Variants in SUPT6H observed in about 807,000 individuals in gnomAD.
SUPT6H encodes the protein SPT6 homolog, histone chaperone and transcription elongation factor, also known as transcription elongation factor SPT6.
A neutral mutation model predicts 222.3 loss-of-function variants in SUPT6H; 11 were observed. The ratio of observed to expected loss-of-function variants is 0.05; its 90% CI spans 0.03 to 0.08. The LOEUF is 0.08. Among genes scored for constraint, SUPT6H ranks in the 10% least tolerant of loss-of-function variants. The pLI, the probability that SUPT6H is intolerant of heterozygous loss-of-function variation, is 1.00. For synonymous variants in SUPT6H, 762 were observed against 801.2 expected, an observed-to-expected ratio of 0.95 and a Z score of 0.83; for missense variants, 1,422 against 2,216.0, an observed-to-expected ratio of 0.64 and a Z score of 7.19.
intron 1 of SUPT6H, among the ~76,000 whole-genome samples, chr17:28,664,268 G>A (rs2029892562): frequency 6.6e-6 from 1 of 152,188 alleles, no homozygotes; most frequent in Admixed American, 6.5e-5. Flanking sequence ...AGCACTTTGG[G>A]AGGTCGAGGT....
chr17:28,664,708 T>C (rs1482126311), intron 1 of SUPT6H, among the ~76,000 whole-genome samples: 1 of 152,210 alleles, frequency 6.6e-6, no homozygotes, highest in Non-Finnish European at 1.5e-5. Context: ...TCCATTTGGA[T>C]ATTTCTTAGG....
chr17:28,687,230 G>A lies in SUPT6H; in HGVS notation c.2838+5G>A. On this transcript the variant is annotated splice_donor_5th_base_variant and intron_variant, in intron 22 of 36. Transcript: ENST00000314616. ...CTCAAGTTTCACCCCTTGCAGGTGA[G>A]TAGGATTTGACAGGCAGGCTCGGGT... The A allele has an allele frequency of 6.2e-7, 1 of 1,614,206 alleles. No individual in the cohort carries two copies. The highest frequency in any genetic ancestry group is 8.5e-7 in the Non-Finnish European group (1 of 1,180,038).
intron 1 of SUPT6H, among the ~76,000 whole-genome samples, chr17:28,669,245 G>A (rs1214540566): frequency 1.3e-5 from 2 of 152,166 alleles, no homozygotes; most frequent in Non-Finnish European, 2.9e-5. Flanking sequence ...CACTGTCGGT[G>A]CAGTAGCACC....
intron 7 of SUPT6H, among the ~76,000 whole-genome samples, chr17:28,677,470 C>T (rs897639496): frequency 6.6e-6 from 1 of 151,166 alleles, no homozygotes; most frequent in Non-Finnish European, 1.5e-5. Context: ...ATTTGAACTC[C>T]GGAGGCGGAG....
Position 28,700,110 on chromosome 17 carries a change from C to G in SUPT6H, c.4562-63C>G, listed in dbSNP as rs556901351. ...ACCTACTTCAGTGCCCCTTCCACCC[C>G]CTGAATTGGGAAACCAAAAATAGGT... On this transcript the variant is annotated intron_variant, in intron 33 of 36. Coordinates refer to ENST00000314616, the MANE Select transcript of SUPT6H (RefSeq NM_003170.5). The G allele has an allele frequency of 1.3e-5, 21 of 1,609,496 alleles. No individual in the cohort carries two copies. The Admixed American group carries it at 1.7e-4, about 13-fold the overall frequency.
At chr17:28,680,576 CAA>C (rs2031045957) in intron 11 of SUPT6H, among the ~76,000 whole-genome samples, 2 of 152,168 alleles carry the variant, frequency 1.3e-5, no homozygotes, top group African/African-American at 4.8e-5. Flanking sequence ...GCCTGGGTGA[CAA>C]GAGCAAGACT....
chr17:28,690,791 T>C (rs770752691), intron 26 of SUPT6H, 130 bp from the exon 27 acceptor site: 25 of 1,061,524 alleles, frequency 2.4e-5, no homozygotes, highest in Non-Finnish European at 3.2e-5. Flanking sequence ...AATAAATAAA[T>C]AAAAATCGGG....
intron 28 of SUPT6H, chr17:28,695,103 G>T: frequency 2.1e-6 from 1 of 473,892 alleles, no homozygotes; most frequent in Non-Finnish European, 3.8e-6. Context: ...CCAGGGACAG[G>T]GTAGATCCAG....
rs890969792 is a variant in SUPT6H, at chr17:28,688,241, G to C, written c.3134+23G>C. 1 of 1,608,516 alleles carries C rather than the reference G, an allele frequency of 6.2e-7. No homozygotes were observed. The highest frequency in any genetic ancestry group is 1.3e-5 in the African/African-American group (1 of 74,638). Reference sequence around the variant, plus strand: ...CAGGTGATGCCCTCTGCCTGGATGGGGCAGGAGGAATTCCCTTGTGGGCTT... The same window carrying C: ...CAGGTGATGCCCTCTGCCTGGATGGCGCAGGAGGAATTCCCTTGTGGGCTT... On this transcript the variant is annotated intron_variant, in intron 24 of 36. Transcript: ENST00000314616. This position sits in a 1 kb window ranked among gnomAD's most constrained non-coding sequence, Gnocchi z 4.3.
chr17:28,688,490 C>T lies in SUPT6H; in HGVS notation c.3134+272C>T. ...AAAACACAAGATTTTGTTCAGTAAA[C>T]ACAAACTTGCTTTTTTATTATTATG... On this transcript the variant is annotated intron_variant, in intron 24 of 36. Coordinates refer to ENST00000314616, the MANE Select transcript of SUPT6H (RefSeq NM_003170.5). This position sits in a 1 kb window ranked among gnomAD's most constrained non-coding sequence, Gnocchi z 4.3. The T allele has an allele frequency of 3.9e-6, 1 of 254,272 alleles. No homozygotes were observed. The highest frequency in any genetic ancestry group is 8.3e-5 in the East Asian group (1 of 12,110). The allele number at this position is 254,272 out of a possible 1,614,324, so 15.8% of individuals were successfully genotyped here. A position where few individuals can be genotyped will look rare whatever the true frequency, so the allele number is the denominator to read the frequency against.
At chr17:28,697,599 G>A (rs1015637005) in intron 30 of SUPT6H, 21 bp from the exon 31 acceptor site, 8 of 1,592,112 alleles carry the variant, frequency 5.0e-6, no homozygotes, top group Admixed American at 3.3e-5. Flanking sequence ...GACACATGGG[G>A]CCTTTACCTT....
intron 24 of SUPT6H, 151 bp from the exon 25 acceptor site, chr17:28,689,203 T>C (rs1043260625): frequency 6.0e-6 from 4 of 669,344 alleles, no homozygotes; most frequent in African/African-American, 5.4e-5. Context: ...TCAGCACACA[T>C]AGATCTACCT....
At chr17:28,677,577 C>G in intron 7 of SUPT6H, 138 bp from the exon 8 acceptor site, 2 of 683,102 alleles carry the variant, frequency 2.9e-6, no homozygotes, top group South Asian at 1.8e-5. Context: ...CATGCCAGAA[C>G]AACACTGGTA....
At chr17:28,679,740 C>T (rs1419999589) in intron 11 of SUPT6H, among the ~76,000 whole-genome samples, 1 of 151,660 alleles carries the variant, frequency 6.6e-6, no homozygotes, top group Admixed American at 6.6e-5. Context: ...GCTTGTAATC[C>T]TGGCACTTTG....
chr17:28,682,161 T>C, intron 13 of SUPT6H, 181 bp downstream of exon 13: 1 of 519,702 alleles, frequency 1.9e-6, no homozygotes, highest in East Asian at 3.1e-5. Context: ...CCGCCCGACA[T>C]GATGGTTCAG....
intron 27 of SUPT6H, 111 bp from the exon 28 acceptor site, chr17:28,693,585 G>A: frequency 7.8e-7 from 1 of 1,283,208 alleles, no homozygotes; most frequent in South Asian, 1.4e-5. Context: ...TTCAGATCAT[G>A]GTGCAAGGTG....
intron 32 of SUPT6H, among the ~76,000 whole-genome samples, 171 bp downstream of exon 32, chr17:28,698,201 G>C (rs901274840): frequency 6.6e-6 from 1 of 152,150 alleles, no homozygotes; most frequent in East Asian, 1.9e-4. Context: ...ATGATTTCAA[G>C]GCAAAAAGGC....
Position 28,684,899 on chromosome 17 carries a change from C to A in SUPT6H, c.2425C>A (p.Leu809Ile). ...VNGEGEVTDFLRLPHFTKRRT... is the reference protein window; with the variant it reads ...VNGEGEVTDFIRLPHFTKRRT... Reference sequence around the variant, plus strand: ...TGGTGAAGGAGAAGTGACAGACTTCCTTCGACTGCCCCATTTTACCAAACG... The same window carrying A: ...TGGTGAAGGAGAAGTGACAGACTTCATTCGACTGCCCCATTTTACCAAACG... The change falls in exon 19 of 37, where the codon CTT becomes ATT. Residue 809 changes from leucine to isoleucine, a missense_variant. Coordinates refer to ENST00000314616, the MANE Select transcript of SUPT6H (RefSeq NM_003170.5). The A allele has an allele frequency of 6.2e-7, 1 of 1,614,214 alleles. No homozygotes were observed. Among genetic ancestry groups the A allele is most frequent in the Non-Finnish European group, 8.5e-7 (1 of 1,180,046 alleles).
chr17:28,701,257 C>A, intron 36 of SUPT6H, 129 bp downstream of exon 36: 1 of 1,421,998 alleles, frequency 7.0e-7, no homozygotes, highest in African/African-American at 1.4e-5. Flanking sequence ...ATGCCAGGAA[C>A]ACTAGTTTCT....
Sources: gnomAD v4.1 joint callset for allele counts (sites outside exome capture counted in the v4.1 genomes callset) on GRCh38, gnomAD v4.1.1 for gene constraint, Gnocchi (gnomAD v3.1) non-coding constraint, MANE v1.5 for transcripts, NCBI Gene and HGNC (gene_info 2026-07-23, HGNC 2026-07-21) for gene names.